MILR1: variants seen among roughly 807,000 people sequenced by gnomAD.
MILR1 encodes the protein mast cell immunoglobulin like receptor 1, also known as allergin-1.
In MILR1, 31 loss-of-function variants were observed where a neutral mutation model predicts 18.5. The ratio of observed to expected loss-of-function variants is 1.68; its 90% CI spans 1.26 to 2.26. MILR1 has a LOEUF of 2.26. MILR1 is among the 30% of genes most tolerant of loss of function. The probability of loss-of-function intolerance (pLI) is 0.00; values close to 1 mark genes in which losing one functional copy is unlikely to be tolerated. For missense variants in MILR1, 257 were observed against 157.4 expected (o/e 1.63, Z -3.38); for synonymous variants, 85 against 56.2 (o/e 1.51, Z -2.30).
chr17:64,464,502 A>G (rs2037505339), intron 5 of MILR1, among the ~76,000 whole-genome samples: 1 of 151,858 alleles, frequency 6.6e-6, no homozygotes, highest in Non-Finnish European at 1.5e-5. Flanking sequence ...AGCTTCCCAA[A>G]GCACTGGGAT....
the MILR1 span, chr17:64,485,193 T>G: frequency 6.4e-6 from 1 of 155,766 alleles, no homozygotes; most frequent in Non-Finnish European, 1.4e-5. Context: ...AATCATTTCT[T>G]TTCTCTCCTA....
At position 64,465,481 on chromosome 17, in the gene MILR1, G is replaced by A. The variant is rs368222535; in HGVS notation, c.793G>A (p.Asp265Asn). ...RKAMRNNVPR[D>N]RGDTAMEVGI... Reference sequence around the variant, plus strand: ...AGCTATGAGAAATAATGTGCCCAGGGACCGTGGAGACACAGCCATGGAAGT... The same window carrying A: ...AGCTATGAGAAATAATGTGCCCAGGAACCGTGGAGACACAGCCATGGAAGT... The change falls in exon 6 of 10, where the codon GAC (aspartate) becomes AAC (asparagine). Residue 265 changes from aspartate (D) to asparagine (N), a missense_variant. Physicochemically the swap from Asp to Asn is conservative, Grantham distance 23 (BLOSUM62 1). Coordinates refer to ENST00000619286, the MANE Select transcript of MILR1 (RefSeq NM_001085423.2). 26 of 1,610,244 alleles carry A rather than the reference G, an allele frequency of 1.6e-5. No homozygotes were observed. Among genetic ancestry groups the A allele is most frequent in the East Asian group, 6.7e-5 (3 of 44,826 alleles).
At chr17:64,473,518 C>A (rs1469449819), downstream of MILR1, among the ~76,000 whole-genome samples, 2 of 152,062 alleles carry the variant, frequency 1.3e-5, no homozygotes, top group African/African-American at 2.4e-5. Flanking sequence ...TGCCTTACCT[C>A]TGACTCTTCC....
intron 4 of MILR1, among the ~76,000 whole-genome samples, chr17:64,459,986 ATT>A (rs869263015): frequency 1.7e-5 from 1 of 58,890 alleles, no homozygotes; most frequent in African/African-American, 3.7e-5. Flanking sequence ...TTTTTATTTT[ATT>A]TTATTTTATT....
chr17:64,487,683 CA>C, the MILR1 span, among the ~76,000 whole-genome samples: 1 of 141,794 alleles, frequency 7.1e-6, no homozygotes, highest in Non-Finnish European at 1.5e-5. Context: ...TTGAATCAAA[CA>C]AAATCTAAAT....
At chr17:64,491,768 G>A in the MILR1 span, 1 of 658,702 alleles carries the variant, frequency 1.5e-6, no homozygotes, top group Non-Finnish European at 2.8e-6. Context: ...TCAAGCACGA[G>A]CGGCTATGCA....
the MILR1 span, among the ~76,000 whole-genome samples, chr17:64,479,171 C>T: frequency 6.7e-6 from 1 of 148,996 alleles, no homozygotes; most frequent in Non-Finnish European, 1.5e-5. Flanking sequence ...CTTTGGACAT[C>T]ATCTGAAAGG....
the MILR1 span, chr17:64,480,310 G>T: frequency 6.4e-7 from 1 of 1,570,334 alleles, no homozygotes; most frequent in South Asian, 1.1e-5. Context: ...TTGTTCCAAT[G>T]AGGACTGCAT....
the MILR1 span, among the ~76,000 whole-genome samples, chr17:64,494,284 A>G: frequency 1.3e-5 from 2 of 152,218 alleles, no homozygotes; most frequent in Non-Finnish European, 2.9e-5. Context: ...AAAATACTAC[A>G]TAGTAGATGT....
At chr17:64,472,909 A>G (rs540515526), downstream of MILR1, among the ~76,000 whole-genome samples, 54 of 152,326 alleles carry the variant, frequency 3.5e-4, no homozygotes, top group Non-Finnish European at 7.1e-4. Context: ...CCAATAATCC[A>G]GTAGAAAACT....
the MILR1 span, chr17:64,485,144 C>G: frequency 6.6e-6 from 1 of 152,592 alleles, no homozygotes; most frequent in East Asian, 1.9e-4. Context: ...GCTCTTGATC[C>G]CATCCTGACC....
chr17:64,486,156 T>C, the MILR1 span, among the ~76,000 whole-genome samples: 2 of 152,192 alleles, frequency 1.3e-5, no homozygotes, highest in Non-Finnish European at 2.9e-5. Context: ...ACGATAAAGA[T>C]GCATTCTCTG....
chr17:64,467,825 C>T (rs984013958), intron 9 of MILR1, 180 bp downstream of exon 9: 1 of 429,046 alleles, frequency 2.3e-6, no homozygotes, highest in African/African-American at 2.1e-5. Context: ...GTCCCAGCTA[C>T]TCGGGAGGCT....
At chr17:64,491,471 C>T in the MILR1 span, 79 of 1,123,964 alleles carry the variant, frequency 7.0e-5, no homozygotes, top group Middle Eastern at 3.1e-4. Flanking sequence ...GATTGTGCAA[C>T]GGCAGTCCAG....
In MILR1 at chr17:64,466,657, A is replaced by C; in HGVS notation, c.974A>C (p.Glu325Ala). 1 of 1,605,438 alleles carries C rather than the reference A, an allele frequency of 6.2e-7. No homozygotes were observed. Among genetic ancestry groups the C allele is most frequent in the Non-Finnish European group, 8.5e-7 (1 of 1,175,996 alleles). Residue 325 changes from glutamate (E) to alanine (A), a missense_variant, in exon 8 of 10, where the codon GAG becomes GCG. Transcript: ENST00000619286. ...TPVFQEVAPR[E>A]QEACDSYKSG... ...GTGTTCCAGGAGGTGGCACCAAGAG[A>C]GCAAGGTGAGCCACAGGTTGGGATA...
At chr17:64,486,697 G>C in the MILR1 span, among the ~76,000 whole-genome samples, 2 of 152,058 alleles carry the variant, frequency 1.3e-5, no homozygotes, top group Non-Finnish European at 2.9e-5. Flanking sequence ...AAAATTGTTT[G>C]CTGATTATTC....
At chr17:64,473,875 T>A in the MILR1 span, among the ~76,000 whole-genome samples, 1 of 152,144 alleles carries the variant, frequency 6.6e-6, no homozygotes, top group East Asian at 1.9e-4. Flanking sequence ...TGATGAAAAT[T>A]TTCTACATTG....
intron 5 of MILR1, among the ~76,000 whole-genome samples, chr17:64,464,877 T>G: frequency 6.6e-6 from 1 of 151,958 alleles, no homozygotes; most frequent in Non-Finnish European, 1.5e-5. Context: ...TGAGCGGAGA[T>G]TGCACCATGG....
At chr17:64,455,259 C>T (rs1249614629) in intron 3 of MILR1, among the ~76,000 whole-genome samples, 1 of 152,116 alleles carries the variant, frequency 6.6e-6, no homozygotes, top group Non-Finnish European at 1.5e-5. Flanking sequence ...GGTAATAAAA[C>T]TATCTTGGTA....
Sources: allele counts gnomAD v4.1 joint callset (sites outside exome capture counted in the v4.1 genomes callset), GRCh38; gene constraint gnomAD v4.1.1; transcripts MANE v1.5; gene names NCBI Gene and HGNC (gene_info 2026-07-23, HGNC 2026-07-21).